ITGA9: variants seen among roughly 807,000 people sequenced by gnomAD.
ITGA9 encodes the protein integrin alpha-9.
In ITGA9, 56 loss-of-function variants were observed where a neutral mutation model predicts 127.8. The ratio of observed to expected loss-of-function variants is 0.44; its 90% CI spans 0.35 to 0.55. The LOEUF (loss-of-function observed/expected upper bound fraction) is 0.55, where lower values mean the gene tolerates loss of function less well. Among genes scored for constraint, ITGA9 ranks in the 20% least tolerant of loss-of-function variants. ITGA9 has a pLI of 0.00. For synonymous variants in ITGA9, 508 were observed against 514.5 expected (o/e 0.99, Z 0.17); for missense variants, 1,196 against 1,347.1 (o/e 0.89, Z 1.76).
chr3:37,587,307 C>T (rs1042244007), intron 15 of ITGA9, among the ~76,000 whole-genome samples: 9 of 152,172 alleles, frequency 5.9e-5, no homozygotes, highest in Non-Finnish European at 1.3e-4. Context: ...TGTTTGCTTT[C>T]GACCTTACAG....
chr3:37,501,602 C>T (rs190256846), intron 5 of ITGA9, among the ~76,000 whole-genome samples: 6 of 152,208 alleles, frequency 3.9e-5, no homozygotes, highest in African/African-American at 1.4e-4. Context: ...CTCTTTACTC[C>T]AGGTACCCAC....
intron 15 of ITGA9, among the ~76,000 whole-genome samples, chr3:37,563,160 T>C (rs1459303987): frequency 1.3e-5 from 2 of 152,204 alleles, no homozygotes; most frequent in Non-Finnish European, 2.9e-5. Context: ...TTTAGATTAG[T>C]GATCCATTTT....
chr3:37,458,993 C>T (rs1050282137), intron 1 of ITGA9, among the ~76,000 whole-genome samples: 2 of 152,176 alleles, frequency 1.3e-5, no homozygotes, highest in African/African-American at 4.8e-5. Flanking sequence ...CCCAACCTTC[C>T]TTTTTGCCAG....
chr3:37,575,470 A>G (rs1699645084), intron 15 of ITGA9, among the ~76,000 whole-genome samples: 1 of 152,126 alleles, frequency 6.6e-6, no homozygotes, highest in Admixed American at 6.5e-5. Context: ...TGCTGACTAT[A>G]CCCAGGCACC....
At chr3:37,709,199 A>G (rs1176618110) in intron 18 of ITGA9, among the ~76,000 whole-genome samples, 1 of 152,242 alleles carries the variant, frequency 6.6e-6, no homozygotes, top group Non-Finnish European at 1.5e-5. Flanking sequence ...CCTGAGACAT[A>G]GTAGCCTTTA....
At chr3:37,648,795 A>G (rs1398781862) in intron 16 of ITGA9, among the ~76,000 whole-genome samples, 1 of 152,198 alleles carries the variant, frequency 6.6e-6, no homozygotes, top group South Asian at 2.1e-4. Flanking sequence ...TCAGAACACT[A>G]TATTACTATA....
intron 15 of ITGA9, among the ~76,000 whole-genome samples, chr3:37,600,062 T>C (rs4678975): frequency 0.53 from 79,946 of 152,040 alleles, 21,560 homozygotes; most frequent in East Asian, 0.61. Context: ...GAAGTCACTA[T>C]GAAATGAGGC....
rs1455080339 is a variant in ITGA9 at position 37,784,995 on chromosome 3, C to A, written c.2806C>A (p.Gln936Lys). The change falls in exon 26 of 28, where the codon CAG becomes AAG. Residue 936 changes from glutamine to lysine, a missense_variant. Physicochemically the swap from Gln to Lys is moderately conservative, Grantham distance 53. Coordinates refer to ENST00000264741, the MANE Select transcript of ITGA9 (RefSeq NM_002207.3). ...ILKKDSSSVI[Q>K]FMSRAKVKVD... is the part of the protein sequence containing the mutation. Reference sequence around the variant, plus strand: ...TCCACAGGACAGTTCGTCTGTCATCCAGTTCATGTCCCGCGCCAAGGTGAA... The same window carrying A: ...TCCACAGGACAGTTCGTCTGTCATCAAGTTCATGTCCCGCGCCAAGGTGAA... 6.2e-7 allele frequency: 1 copy of A among 1,613,958 alleles called. No individual in the cohort carries two copies.
intron 15 of ITGA9, among the ~76,000 whole-genome samples, chr3:37,570,160 G>A (rs1397228327): frequency 6.6e-6 from 1 of 152,212 alleles, no homozygotes; most frequent in African/African-American, 2.4e-5. Flanking sequence ...GCCACCCCTG[G>A]CCTTGGCTGA....
intron 26 of ITGA9, among the ~76,000 whole-genome samples, chr3:37,791,338 C>A (rs889957853): frequency 6.0e-5 from 9 of 148,778 alleles, no homozygotes; most frequent in Non-Finnish European, 1.2e-4. Context: ...AAGCTGCTGC[C>A]ATATGGAGCA....
intron 1 of ITGA9, among the ~76,000 whole-genome samples, chr3:37,458,232 C>T (rs767496564): frequency 1.3e-5 from 2 of 152,312 alleles, no homozygotes; most frequent in Admixed American, 6.5e-5. Flanking sequence ...CAGAGTTACA[C>T]GCCTTGTTCA....
chr3:37,701,616 G>A (rs1700947366), intron 18 of ITGA9, among the ~76,000 whole-genome samples: 1 of 152,188 alleles, frequency 6.6e-6, no homozygotes. Flanking sequence ...CTGGCCTGTT[G>A]TTTGCAGGGG....
intron 1 of ITGA9, among the ~76,000 whole-genome samples, chr3:37,453,470 G>C (rs1461738113): frequency 6.6e-6 from 1 of 152,196 alleles, no homozygotes; most frequent in Non-Finnish European, 1.5e-5. Flanking sequence ...GGGGGGGTTG[G>C]TGCCCTCCTT....
intron 15 of ITGA9, among the ~76,000 whole-genome samples, chr3:37,542,962 G>A (rs1299926191): frequency 6.6e-6 from 1 of 152,084 alleles, no homozygotes; most frequent in Non-Finnish European, 1.5e-5. Flanking sequence ...TGCACCTGAT[G>A]CCTTTCTCAG....
chr3:37,476,359 C>CT (rs113329871), intron 3 of ITGA9, among the ~76,000 whole-genome samples: 152 of 146,440 alleles, frequency 1.0e-3, no homozygotes, highest in South Asian at 2.2e-3. Flanking sequence ...TATTGTTTTC[C>CT]TTTTTTTTTT....
At chr3:37,580,611 C>T (rs1009866139) in intron 15 of ITGA9, among the ~76,000 whole-genome samples, 4 of 152,166 alleles carry the variant, frequency 2.6e-5, no homozygotes, top group African/African-American at 9.7e-5. Context: ...TTTAAATGTT[C>T]GCCAGAGCAT....
intron 18 of ITGA9, among the ~76,000 whole-genome samples, chr3:37,728,597 G>T (rs1221127764): frequency 1.3e-5 from 2 of 152,182 alleles, no homozygotes; most frequent in Non-Finnish European, 2.9e-5. Flanking sequence ...AATGGGGGAA[G>T]CCTTGCAACC....
chr3:37,553,488 C>T (rs898244052), intron 15 of ITGA9, among the ~76,000 whole-genome samples: 10 of 152,232 alleles, frequency 6.6e-5, no homozygotes, highest in Admixed American at 4.6e-4. Flanking sequence ...TGATTAGATT[C>T]AGGATGTATA....
intron 27 of ITGA9, among the ~76,000 whole-genome samples, chr3:37,815,835 T>C (rs932284857): frequency 2.6e-5 from 4 of 152,194 alleles, no homozygotes; most frequent in African/African-American, 9.7e-5. Flanking sequence ...CTATTTGGAC[T>C]GAGCTCAGTG....
Sources: gnomAD v4.1 joint callset for allele counts (sites outside exome capture counted in the v4.1 genomes callset) on GRCh38, gnomAD v4.1.1 for gene constraint, MANE v1.5 for transcripts, NCBI Gene and HGNC (gene_info 2026-07-23, HGNC 2026-07-21) for gene names.